WWOX: variants seen among roughly 807,000 people sequenced by gnomAD.
The protein encoded by WWOX is WW domain containing oxidoreductase, also known as WW domain-containing oxidoreductase.
A neutral mutation model predicts 46.2 loss-of-function variants in WWOX; 69 were observed. The ratio of observed to expected loss-of-function variants is 1.49; its 90% CI spans 1.23 to 1.82. WWOX has a LOEUF of 1.82. Ranked by LOEUF, WWOX falls within the 40% of genes most tolerant of loss-of-function variation. The pLI, the probability that WWOX is intolerant of heterozygous loss-of-function variation, is 0.00. For missense variants in WWOX, 919 were observed against 542.6 expected, an observed-to-expected ratio of 1.69 and a Z score of -6.89; for synonymous variants, 359 against 202.6, an observed-to-expected ratio of 1.77 and a Z score of -6.56.
chr16:78,917,609 A>G (rs1039558506), intron 8 of WWOX, among the ~76,000 whole-genome samples: 1 of 152,094 alleles, frequency 6.6e-6, no homozygotes, highest in Non-Finnish European at 1.5e-5. Context: ...TTGCAGCTGC[A>G]GCCCTTCTAC....
At chr16:79,079,445 C>T (rs1029093843) in intron 8 of WWOX, among the ~76,000 whole-genome samples, 2 of 152,196 alleles carry the variant, frequency 1.3e-5, no homozygotes, top group Non-Finnish European at 2.9e-5. Context: ...TCCCAGGTGA[C>T]TCATTCCTGT....
At chr16:79,069,820 G>C (rs1374452094) in intron 8 of WWOX, among the ~76,000 whole-genome samples, 9 of 151,864 alleles carry the variant, frequency 5.9e-5, no homozygotes, top group African/African-American at 2.2e-4. Context: ...GCTAACTGGT[G>C]TTAGTTAGTC....
chr16:78,315,410 A>T (rs2080338583), intron 5 of WWOX, among the ~76,000 whole-genome samples: 1 of 152,166 alleles, frequency 6.6e-6, no homozygotes, highest in African/African-American at 2.4e-5. Flanking sequence ...GCACTTGGGG[A>T]GGCCAAGGCC....
intron 8 of WWOX, among the ~76,000 whole-genome samples, chr16:78,532,693 C>A (rs976100162): frequency 6.6e-6 from 1 of 152,152 alleles, no homozygotes; most frequent in Non-Finnish European, 1.5e-5. Flanking sequence ...GCACATCTCA[C>A]ATGGCAGCAG....
intron 8 of WWOX, among the ~76,000 whole-genome samples, chr16:78,621,459 T>C (rs1386358073): frequency 6.6e-6 from 1 of 152,074 alleles, no homozygotes; most frequent in Non-Finnish European, 1.5e-5. Flanking sequence ...TCTTTTCTTC[T>C]TCCAGTTGCA....
intron 8 of WWOX, among the ~76,000 whole-genome samples, chr16:78,508,923 T>C (rs1461660184): frequency 1.3e-5 from 2 of 152,226 alleles, no homozygotes; most frequent in African/African-American, 2.4e-5. Context: ...TACATCTGCA[T>C]CATGTATTGG....
chr16:78,979,365 C>T (rs1376011767), intron 8 of WWOX, among the ~76,000 whole-genome samples: 3 of 152,124 alleles, frequency 2.0e-5, no homozygotes, highest in Non-Finnish European at 4.4e-5. Context: ...CAAGTGAAAA[C>T]TGCTTCTGTT....
At chr16:78,603,576 C>A (rs2550605) in intron 8 of WWOX, among the ~76,000 whole-genome samples, 17,433 of 152,046 alleles carry the variant, frequency 0.11, 1,166 homozygotes, top group East Asian at 0.22. Flanking sequence ...CACCTGTAGT[C>A]CCAGCTACTC....
At chr16:78,707,252 T>G (rs1199997397) in intron 8 of WWOX, among the ~76,000 whole-genome samples, 1 of 152,192 alleles carries the variant, frequency 6.6e-6, no homozygotes, top group Non-Finnish European at 1.5e-5. Context: ...ATTCCTCAGA[T>G]ATATTAAAAA....
intron 8 of WWOX, among the ~76,000 whole-genome samples, chr16:78,978,076 A>T (rs1354430176): frequency 6.6e-6 from 1 of 152,212 alleles, no homozygotes; most frequent in East Asian, 1.9e-4. Flanking sequence ...CTTCTGTCTC[A>T]GTAGGTTTGC....
chr16:79,019,765 A>G (rs1243309095), intron 8 of WWOX, among the ~76,000 whole-genome samples: 1 of 152,044 alleles, frequency 6.6e-6, no homozygotes, highest in South Asian at 2.1e-4. Flanking sequence ...AAGAGAGCAA[A>G]GGTAGAAGGC....
At chr16:78,883,526 C>G (rs1476687244) in intron 8 of WWOX, among the ~76,000 whole-genome samples, 1 of 152,092 alleles carries the variant, frequency 6.6e-6, no homozygotes, top group African/African-American at 2.4e-5. Context: ...GAGTTCGAGA[C>G]CAGCCTGGCG....
chr16:78,494,264 G>C (rs1376787647), intron 8 of WWOX, among the ~76,000 whole-genome samples: 2 of 152,148 alleles, frequency 1.3e-5, no homozygotes, highest in Admixed American at 1.3e-4. Flanking sequence ...AGTTCCTGCA[G>C]AGAACAGATT....
intron 8 of WWOX, among the ~76,000 whole-genome samples, chr16:79,000,855 C>T (rs2047078744): frequency 6.6e-6 from 1 of 152,194 alleles, no homozygotes; most frequent in East Asian, 1.9e-4. Flanking sequence ...CTGGACCTCT[C>T]TTCCATGGCA....
At chr16:79,085,042 C>T (rs916996672) in intron 8 of WWOX, among the ~76,000 whole-genome samples, 2 of 152,264 alleles carry the variant, frequency 1.3e-5, no homozygotes, top group African/African-American at 2.4e-5. Context: ...CCTCCCGCCT[C>T]AGCCTCCCAA....
At chr16:78,624,574 A>G (rs1597364393) in intron 8 of WWOX, among the ~76,000 whole-genome samples, 1 of 152,338 alleles carries the variant, frequency 6.6e-6, no homozygotes, top group East Asian at 1.9e-4. Context: ...GACTAATCTA[A>G]TAGCATACTG....
At chr16:78,555,715 G>T (rs1379693065) in intron 8 of WWOX, among the ~76,000 whole-genome samples, 1 of 151,876 alleles carries the variant, frequency 6.6e-6, no homozygotes, top group Non-Finnish European at 1.5e-5. Flanking sequence ...AGAAGCCCCT[G>T]CAGTTCCAAA....
At chr16:78,623,344 G>A (rs1253184266) in intron 8 of WWOX, among the ~76,000 whole-genome samples, 1 of 152,192 alleles carries the variant, frequency 6.6e-6, no homozygotes, top group African/African-American at 2.4e-5. Context: ...TTACTCACCA[G>A]GTTTCAGAGG....
intron 8 of WWOX, among the ~76,000 whole-genome samples, chr16:78,435,481 A>G (rs2083314427): frequency 1.3e-5 from 2 of 152,202 alleles, no homozygotes; most frequent in South Asian, 4.1e-4. Flanking sequence ...TTAACTGCGC[A>G]CTGAGCTTTA....
Sources: gnomAD v4.1 joint callset for allele counts (sites outside exome capture counted in the v4.1 genomes callset) on GRCh38, gnomAD v4.1.1 for gene constraint, MANE v1.5 for transcripts, NCBI Gene and HGNC (gene_info 2026-07-23, HGNC 2026-07-21) for gene names.